GPR149: variants seen among roughly 807,000 people sequenced by gnomAD.
GPR149 encodes probable G protein-coupled receptor 149.
GPR149 carries 50 observed loss-of-function variants against 50.2 expected under a neutral mutation model. The observed-to-expected ratio is 1.00, with a 90% CI of 0.79 to 1.26. The LOEUF (loss-of-function observed/expected upper bound fraction) is 1.26. Among genes scored for constraint, GPR149 ranks in the 50% most tolerant of loss-of-function variants. The pLI, the probability that GPR149 is intolerant of heterozygous loss-of-function variation, is 0.00. For synonymous variants in GPR149, 405 were observed against 358.2 expected (o/e 1.13, Z -1.48); for missense variants, 983 against 895.4 (o/e 1.10, Z -1.25).
intron 3 of GPR149, among the ~76,000 whole-genome samples, chr3:154,361,033 C>T (rs1357175460): frequency 6.6e-6 from 1 of 152,108 alleles, no homozygotes; most frequent in Non-Finnish European, 1.5e-5. Flanking sequence ...TACATAGCAA[C>T]AGAATATAGT....
chr3:154,349,920 G>A (rs1714026948), intron 3 of GPR149, among the ~76,000 whole-genome samples: 1 of 152,120 alleles, frequency 6.6e-6, no homozygotes, highest in African/African-American at 2.4e-5. Flanking sequence ...AGAAATTCAA[G>A]GCTGCATCAA....
At chr3:154,420,963 C>A in intron 3 of GPR149, 76 bp downstream of exon 3, 1 of 1,055,580 alleles carries the variant, frequency 9.5e-7, no homozygotes, top group Non-Finnish European at 1.4e-6. Context: ...ATAAAACAAA[C>A]AACTGATAAT....
At chr3:154,367,312 T>C (rs1278863698) in intron 3 of GPR149, among the ~76,000 whole-genome samples, 2 of 148,946 alleles carry the variant, frequency 1.3e-5, no homozygotes, top group Non-Finnish European at 3.0e-5. Flanking sequence ...TAAGCTTCCC[T>C]GTGTCCTCTC....
intron 2 of GPR149, 111 bp downstream of exon 2, chr3:154,427,405 A>G: frequency 1.3e-6 from 1 of 795,238 alleles, no homozygotes; most frequent in Non-Finnish European, 2.0e-6. Context: ...TACCACTGAC[A>G]TTTATCCTTG....
In GPR149 at chr3:154,428,779, C is replaced by A. The variant is rs752866929; in HGVS notation, c.837G>T (p.Ala279=). The A allele has an allele frequency of 3.7e-6, 6 of 1,613,766 alleles. No homozygotes were observed. Among genetic ancestry groups the A allele is most frequent in the Non-Finnish European group, 4.2e-6 (5 of 1,180,024 alleles). Residue 279 remains alanine (A), a synonymous_variant, in exon 1 of 4, where the codon GCG becomes GCT. Transcript: ENST00000389740. The part of the protein sequence containing the change: ...PSSDTVFGPG[A]PAAAGAEACR... ...AGGCTTCAGCCCCAGCGGCAGCGGG[C>A]GCACCCGGTCCGAACACGGTGTCGG...
At chr3:154,341,995 ATAT>A (rs904628083) in intron 3 of GPR149, among the ~76,000 whole-genome samples, 67 of 152,354 alleles carry the variant, frequency 4.4e-4, no homozygotes, top group African/African-American at 1.5e-3. Context: ...AACTTCTTAC[ATAT>A]TATTAGTTAT....
chr3:154,413,645 A>AAT (rs1553766732), intron 3 of GPR149, among the ~76,000 whole-genome samples: 3 of 150,308 alleles, frequency 2.0e-5, no homozygotes, highest in East Asian at 2.0e-4. Context: ...TTATAAAATA[A>AAT]AAAAAAAAAT....
chr3:154,338,360 A>G, intron 3 of GPR149, 89 bp from the exon 4 acceptor site: 1 of 1,074,196 alleles, frequency 9.3e-7, no homozygotes, highest in Non-Finnish European at 1.3e-6. Context: ...AGAATGATAA[A>G]GGTTTTCTAT....
chr3:154,389,271 T>C (rs1259437030), intron 3 of GPR149, among the ~76,000 whole-genome samples: 1 of 152,048 alleles, frequency 6.6e-6, no homozygotes, highest in Non-Finnish European at 1.5e-5. Flanking sequence ...ATCCAGAAAC[T>C]AGTTACAAGT....
chr3:154,402,723 C>T lies in GPR149; in HGVS notation c.1623+18316G>A, dbSNP rs1021259181. Among the ~76,000 whole-genome samples, 14 of 139,880 alleles carry T rather than the reference C, an allele frequency of 1.0e-4. No individual in the cohort carries two copies. The Admixed American group carries it at 1.0e-3, about 10-fold the overall frequency. 91.8% of individuals were successfully genotyped at this position (139,880 alleles called of 152,430 possible). On this transcript the variant is annotated intron_variant, in intron 3 of 3. Coordinates refer to ENST00000389740, the MANE Select transcript of GPR149 (RefSeq NM_001038705.3). Reference sequence around the variant, plus strand: ...CTCCACCTTCTGTGGTCTGTAAGTGCGTTGTCTATATCCTGTACACTTTTT... The same window carrying T: ...CTCCACCTTCTGTGGTCTGTAAGTGTGTTGTCTATATCCTGTACACTTTTT...
rs763492132 is a variant in GPR149 at position 154,428,719 on chromosome 3, G to A, written c.897C>T (p.Thr299=). The A allele has an allele frequency of 5.6e-6, 9 of 1,614,098 alleles. No individual in the cohort carries two copies. Among genetic ancestry groups the A allele is most frequent in the Non-Finnish European group, 6.8e-6 (8 of 1,180,038 alleles). ...GCGCTACGCTCACGGTGAAGCTCCT[G>A]GTGCCATAGAGAGTCCCCCGGTTCT... The part of the protein sequence containing the change: ...RRENRGTLYG[T]RSFTVSVAQK... Residue 299 remains threonine, a synonymous_variant, in exon 1 of 4, where the codon ACC becomes ACT. Coordinates refer to ENST00000389740, the MANE Select transcript of GPR149 (RefSeq NM_001038705.3).
At chr3:154,376,542 G>A (rs920067867) in intron 3 of GPR149, among the ~76,000 whole-genome samples, 1 of 152,168 alleles carries the variant, frequency 6.6e-6, no homozygotes, top group Non-Finnish European at 1.5e-5. Flanking sequence ...CATATAGTAT[G>A]TGAATTTATA....
chr3:154,378,827 T>G (rs922337327), intron 3 of GPR149, among the ~76,000 whole-genome samples: 4 of 152,218 alleles, frequency 2.6e-5, no homozygotes, highest in Non-Finnish European at 4.4e-5. Context: ...GATCTTTTTA[T>G]GTGATTATTA....
Position 154,429,181 on chromosome 3 carries a change from T to C in GPR149, c.435A>G (p.Arg145=), listed in dbSNP as rs751208379. The C allele has an allele frequency of 1.2e-6, 2 of 1,613,960 alleles. No homozygotes were observed. Among genetic ancestry groups the C allele is most frequent in the Non-Finnish European group, 1.7e-6 (2 of 1,179,986 alleles). Reference sequence around the variant, plus strand: ...CCACGCCGAGCACCTGGCCCGATCTTCTGGAGGCTGTCTGGCTCCCCACAC... The same window carrying C: ...CCACGCCGAGCACCTGGCCCGATCTCCTGGAGGCTGTCTGGCTCCCCACAC... ...HRGVGSQTAS[R]RSGQVLGVVL... The change falls in exon 1 of 4, where the codon AGA becomes AGG. Residue 145 remains arginine (R), a synonymous_variant. Coordinates refer to ENST00000389740, the MANE Select transcript of GPR149 (RefSeq NM_001038705.3).
intron 3 of GPR149, among the ~76,000 whole-genome samples, chr3:154,383,325 C>T (rs1323214069): frequency 1.3e-5 from 2 of 152,134 alleles, no homozygotes; most frequent in African/African-American, 4.8e-5. Context: ...CATATCATCT[C>T]TGCTTCTTTG....
rs147498815 is a variant in GPR149 at position 154,386,145 on chromosome 3, C to T, written c.1623+34894G>A. Reference sequence around the variant, plus strand: ...ATTTCATACTTTTATCTTGTTTTACCTTAATATCTGGTGAAGTGAGTGTTT... The same window carrying T: ...ATTTCATACTTTTATCTTGTTTTACTTTAATATCTGGTGAAGTGAGTGTTT... On this transcript the variant is annotated intron_variant, in intron 3 of 3. Transcript: ENST00000389740. Among the ~76,000 whole-genome samples, 42 of 152,012 alleles carry T rather than the reference C, an allele frequency of 2.8e-4. 1 individual carries two copies. In the East Asian group the frequency reaches 7.3e-3, roughly 27 times the overall value.
At chr3:154,360,923 T>C (rs1307706973) in intron 3 of GPR149, among the ~76,000 whole-genome samples, 1 of 152,210 alleles carries the variant, frequency 6.6e-6, no homozygotes, top group East Asian at 1.9e-4. Context: ...CTAATTTCTC[T>C]TTTGAAGAAA....
chr3:154,393,300 T>TACACC (rs1320987754), intron 3 of GPR149, among the ~76,000 whole-genome samples: 4 of 151,976 alleles, frequency 2.6e-5, no homozygotes, highest in Non-Finnish European at 1.5e-5. Context: ...ATTAAGGTAA[T>TACACC]ACACCACACT....
At chr3:154,371,458 G>A (rs556161363) in intron 3 of GPR149, among the ~76,000 whole-genome samples, 10 of 151,998 alleles carry the variant, frequency 6.6e-5, no homozygotes, top group Non-Finnish European at 1.0e-4. Context: ...TGTAGGAGTC[G>A]GAATACTGGG....
Sources: allele counts gnomAD v4.1 joint callset (sites outside exome capture counted in the v4.1 genomes callset), GRCh38; gene constraint gnomAD v4.1.1; transcripts MANE v1.5; gene names NCBI Gene and HGNC (gene_info 2026-07-23, HGNC 2026-07-21).